LDLRAD4: variants seen among roughly 807,000 people sequenced by gnomAD.
The protein encoded by LDLRAD4 is low density lipoprotein receptor class A domain containing 4.
In LDLRAD4, 5 loss-of-function variants were observed where a neutral mutation model predicts 17.0. That is an observed-to-expected ratio of 0.29 (90% CI 0.15 to 0.62). The LOEUF is 0.62. Among genes scored for constraint, LDLRAD4 ranks in the 20% least tolerant of loss-of-function variants. LDLRAD4 has a pLI of 0.84. For synonymous variants in LDLRAD4, 168 were observed against 171.8 expected, an observed-to-expected ratio of 0.98 and a Z score of 0.17; for missense variants, 340 against 424.7, an observed-to-expected ratio of 0.80 and a Z score of 1.75.
intron 3 of LDLRAD4, among the ~76,000 whole-genome samples, chr18:13,556,390 C>T (rs919453562): frequency 5.9e-5 from 9 of 152,196 alleles, no homozygotes; most frequent in African/African-American, 2.2e-4. Flanking sequence ...CCAGTGAAGA[C>T]ACATGATTAC....
chr18:13,338,374 A>G (rs1038930064), intron 1 of LDLRAD4, among the ~76,000 whole-genome samples: 3 of 151,692 alleles, frequency 2.0e-5, no homozygotes, highest in Non-Finnish European at 4.4e-5. Flanking sequence ...CAGGTTCCCA[A>G]GTTGCTAGTG....
intron 3 of LDLRAD4, among the ~76,000 whole-genome samples, chr18:13,461,725 G>A (rs1173276786): frequency 6.6e-6 from 1 of 152,156 alleles, no homozygotes; most frequent in African/African-American, 2.4e-5. Context: ...GCCAATCAGA[G>A]GCTGAAGCAA....
intron 3 of LDLRAD4, among the ~76,000 whole-genome samples, chr18:13,467,073 C>A (rs1191213139): frequency 1.3e-5 from 2 of 152,048 alleles, no homozygotes; most frequent in Admixed American, 1.3e-4. Flanking sequence ...AGCTTTAAAC[C>A]CTAAGACAAG....
intron 1 of LDLRAD4, among the ~76,000 whole-genome samples, chr18:13,368,746 A>G (rs1248403197): frequency 6.6e-6 from 1 of 152,212 alleles, no homozygotes; most frequent in East Asian, 1.9e-4. Context: ...GCTCACCTGA[A>G]CTTTGTGTAG....
chr18:13,456,950 C>G (rs1376653435), intron 3 of LDLRAD4, among the ~76,000 whole-genome samples: 1 of 152,242 alleles, frequency 6.6e-6, no homozygotes, highest in Non-Finnish European at 1.5e-5. Context: ...GGATTTCTGT[C>G]TGCCTGGGGA....
intron 3 of LDLRAD4, among the ~76,000 whole-genome samples, chr18:13,550,196 C>A (rs16940811): frequency 0.21 from 32,294 of 152,016 alleles, 3,651 homozygotes; most frequent in African/African-American, 0.27. Context: ...AAGGGTTCCA[C>A]CAAAATGTTA....
intron 1 of LDLRAD4, among the ~76,000 whole-genome samples, chr18:13,226,180 C>CTTTTTGTTTTTTTTT (rs2041782840): frequency 5.7e-5 from 3 of 52,188 alleles, no homozygotes; most frequent in Admixed American, 3.6e-4. Context: ...CCATGCCTTG[C>CTTTTTGTTTTTTTTT]TTTTTTTTTT....
chr18:13,476,144 T>C (rs75827101), intron 3 of LDLRAD4, among the ~76,000 whole-genome samples: 11,446 of 152,242 alleles, frequency 0.075, 528 homozygotes, highest in Non-Finnish European at 0.11. Flanking sequence ...CTTAAGTGCC[T>C]GTGGCTTCCT....
intron 1 of LDLRAD4, among the ~76,000 whole-genome samples, chr18:13,227,571 C>T (rs112884590): frequency 1.9e-4 from 29 of 152,310 alleles, no homozygotes; most frequent in African/African-American, 6.7e-4. Flanking sequence ...AGTCCGTTCT[C>T]ATGCTGCTAT....
intron 2 of LDLRAD4, among the ~76,000 whole-genome samples, chr18:13,397,316 TGTATTTTTA>T (rs1179140832): frequency 1.3e-5 from 2 of 152,294 alleles, no homozygotes; most frequent in East Asian, 3.9e-4. Context: ...CCTAATTTTT[TGTATTTTTA>T]GTAGAGACAG....
chr18:13,278,131 C>A (rs1475014982), exon 1 of LDLRAD4: 1 of 152,214 alleles, frequency 6.6e-6, no homozygotes, highest in African/African-American at 2.4e-5. Context: ...TTCGTGACAT[C>A]AAACCTCCTG....
At chr18:13,634,192 A>G (rs1009225266) in intron 4 of LDLRAD4, among the ~76,000 whole-genome samples, 1 of 152,252 alleles carries the variant, frequency 6.6e-6, no homozygotes, top group Non-Finnish European at 1.5e-5. Context: ...TCAACATAGT[A>G]TTAATTAGAC....
chr18:13,453,489 G>A (rs767058309), intron 3 of LDLRAD4, among the ~76,000 whole-genome samples: 2 of 151,982 alleles, frequency 1.3e-5, no homozygotes, highest in East Asian at 1.9e-4. Context: ...CGCAGCTGCC[G>A]GCAAGGAAGG....
At chr18:13,521,616 G>T (rs1337394395) in intron 3 of LDLRAD4, 1 of 152,112 alleles carries the variant, frequency 6.6e-6, no homozygotes, top group African/African-American at 2.4e-5. Flanking sequence ...TGAGGAGGAA[G>T]AAGGGAGCAG....
chr18:13,434,021 C>T (rs1270254837), intron 2 of LDLRAD4, among the ~76,000 whole-genome samples: 1 of 152,188 alleles, frequency 6.6e-6, no homozygotes, highest in African/African-American at 2.4e-5. Context: ...CCCTGGCCTG[C>T]TTCCTCACCT....
At chr18:13,252,213 C>T (rs966916196) in intron 1 of LDLRAD4, among the ~76,000 whole-genome samples, 1 of 152,198 alleles carries the variant, frequency 6.6e-6, no homozygotes, top group Non-Finnish European at 1.5e-5. Context: ...CAACCTCCAC[C>T]TCCTGGGTTC....
chr18:13,347,081 A>C (rs1486549845), intron 1 of LDLRAD4, among the ~76,000 whole-genome samples: 1 of 152,140 alleles, frequency 6.6e-6, no homozygotes, highest in Non-Finnish European at 1.5e-5. Flanking sequence ...ATTTAAGGTT[A>C]ATATTGTTAT....
intron 1 of LDLRAD4, among the ~76,000 whole-genome samples, chr18:13,333,069 C>T (rs112399899): frequency 0.019 from 2,854 of 152,164 alleles, 77 homozygotes; most frequent in African/African-American, 0.061. Context: ...TACATCCTTG[C>T]CAGCTTTTGG....
chr18:13,399,160 G>A (rs1259229965), intron 2 of LDLRAD4, among the ~76,000 whole-genome samples: 3 of 151,884 alleles, frequency 2.0e-5, no homozygotes, highest in Admixed American at 6.6e-5. Context: ...TCACACCATT[G>A]CACTCCAGCC....
Sources: allele counts gnomAD v4.1 joint callset (sites outside exome capture counted in the v4.1 genomes callset), GRCh38; gene constraint gnomAD v4.1.1; transcripts MANE v1.5; gene names NCBI Gene and HGNC (gene_info 2026-07-23, HGNC 2026-07-21).